PLXNB1: variants seen among roughly 807,000 people sequenced by gnomAD.
The protein encoded by PLXNB1 is plexin-B1.
A neutral mutation model predicts 209.4 loss-of-function variants in PLXNB1; 106 were observed. That is an observed-to-expected ratio of 0.51 (90% CI 0.43 to 0.59). The LOEUF (loss-of-function observed/expected upper bound fraction) is 0.59, where lower values mean the gene tolerates loss of function less well. Among genes scored for constraint, PLXNB1 ranks in the 20% least tolerant of loss-of-function variants. The probability of loss-of-function intolerance (pLI) is 0.00; values close to 1 mark genes in which losing one functional copy is unlikely to be tolerated. For missense variants in PLXNB1, 2,357 were observed against 2,853.2 expected, an observed-to-expected ratio of 0.83 and a Z score of 3.96; for synonymous variants, 1,167 against 1,183.2, an observed-to-expected ratio of 0.99 and a Z score of 0.28.
chr3:48,418,092 A>G lies in PLXNB1; in HGVS notation c.3223-30T>C, dbSNP rs2038218021. 6.2e-7 allele frequency: 1 copy of G among 1,608,422 alleles called. No individual in the cohort carries two copies. Among genetic ancestry groups the G allele is most frequent in the Admixed American group, 1.7e-5 (1 of 59,850 alleles). ...TCCAGGACAAGGACTGCTCACCTCT[A>G]CTCAACTGGAAAGGCAGCCCCAACC... On this transcript the variant is annotated intron_variant, in intron 15 of 37. Coordinates refer to ENST00000296440, the MANE Select transcript of PLXNB1 (RefSeq NM_001130082.3). This position sits in a 1 kb window ranked among gnomAD's most constrained non-coding sequence, Gnocchi z 6.6.
chr3:48,421,516 T>TG, intron 7 of PLXNB1, 132 bp from the exon 8 acceptor site: 1 of 1,233,556 alleles, frequency 8.1e-7, no homozygotes, highest in Non-Finnish European at 1.1e-6. Context: ...CCCTCTGGCC[T>TG]GAGTTAGAAA....
chr3:48,411,845 A>G lies in PLXNB1; in HGVS notation c.5247+18T>C, dbSNP rs765349908. ...TCACCGCACTCAGACTGCAGGCCACACACTTGCACACCCTCACCAGGGGAC... is the reference window on the plus strand; with the variant it reads ...TCACCGCACTCAGACTGCAGGCCACGCACTTGCACACCCTCACCAGGGGAC... On this transcript the variant is annotated intron_variant, in intron 28 of 37. Coordinates refer to ENST00000296440, the MANE Select transcript of PLXNB1 (RefSeq NM_001130082.3). The surrounding 1 kb of genome is among the most constrained non-coding windows in gnomAD (Gnocchi z 4.0). 5.6e-6 allele frequency: 9 copies of G among 1,612,666 alleles called. No homozygotes were observed. In the South Asian group the frequency reaches 8.8e-5, roughly 16 times the overall value.
Position 48,421,789 on chromosome 3 carries a change from T to G in PLXNB1, c.1538A>C (p.Glu513Ala), listed in dbSNP as rs1033978577. 1 of 1,601,340 alleles carries G rather than the reference T, an allele frequency of 6.2e-7. No homozygotes were observed. The highest frequency in any genetic ancestry group is 1.3e-5 in the African/African-American group (1 of 74,776). ...VLLGRCSRRS[E>A]CSRGQGPEQW... ...CTCTGGGCCCTGGCCCCTCGAGCAC[T>G]CAGAACGGCGACTGCACCTGGGCGA... Residue 513 changes from glutamate (E) to alanine (A), a missense_variant, in exon 7 of 38, where the codon GAG (glutamate) becomes GCG (alanine). Glu to Ala is a moderately radical substitution (Grantham distance 107, BLOSUM62 -1). Coordinates refer to ENST00000296440, the MANE Select transcript of PLXNB1 (RefSeq NM_001130082.3).
rs925078844 is a variant in PLXNB1 at position 48,429,589 on chromosome 3, C to G, written c.-60+419G>C. Reference sequence around the variant, plus strand: ...AACCGCCCGGGACCCCGCATTCCAGCCCCGCGGGCTCCGCATCGGCCGAGG... The same window carrying G: ...AACCGCCCGGGACCCCGCATTCCAGGCCCGCGGGCTCCGCATCGGCCGAGG... On this transcript the variant is annotated intron_variant, in intron 1 of 37. Coordinates refer to ENST00000296440, the MANE Select transcript of PLXNB1 (RefSeq NM_001130082.3). The surrounding 1 kb of genome is among the most constrained non-coding windows in gnomAD (Gnocchi z 6.4). 2 of 151,672 alleles carry G rather than the reference C, an allele frequency of 1.3e-5. No individual in the cohort carries two copies. The highest frequency in any genetic ancestry group is 2.4e-5 in the African/African-American group (1 of 41,360). 9.4% of individuals were successfully genotyped at this position (151,672 alleles called of 1,614,324 possible). A position where few individuals can be genotyped will look rare whatever the true frequency, so the allele number is the denominator to read the frequency against.
intron 1 of PLXNB1, among the ~76,000 whole-genome samples, chr3:48,426,510 G>A (rs573522202): frequency 2.6e-5 from 4 of 152,314 alleles, no homozygotes; most frequent in Admixed American, 6.5e-5. Context: ...CTCCCAGGTC[G>A]GCTCATCCTA....
chr3:48,412,697 A>T, intron 25 of PLXNB1, 45 bp downstream of exon 25: 3 of 1,602,652 alleles, frequency 1.9e-6, no homozygotes, highest in Non-Finnish European at 2.6e-6. Flanking sequence ...GCCCTGGAGA[A>T]GGGGCAGGGC....
chr3:48,415,480 G>A lies in PLXNB1; in HGVS notation c.3794+103C>T, dbSNP rs1345368382. 7.1e-7 allele frequency: 1 copy of A among 1,414,236 alleles called. No homozygotes were observed. The highest frequency in any genetic ancestry group is 1.4e-5 in the African/African-American group (1 of 70,228). 87.6% of individuals were successfully genotyped at this position (1,414,236 alleles called of 1,614,324 possible). A position where few individuals can be genotyped will look rare whatever the true frequency, so the allele number is the denominator to read the frequency against. On this transcript the variant is annotated intron_variant, in intron 19 of 37. Transcript: ENST00000296440. The surrounding 1 kb of genome is among the most constrained non-coding windows in gnomAD (Gnocchi z 5.0). ...GACCCCTTGCCCCTACTAGCAGCAT[G>A]GGATTCTCAGTGCCTCAACATAAAG...
Position 48,420,710 on chromosome 3 carries a change from G to A in PLXNB1, c.1983C>T (p.Thr661=), listed in dbSNP as rs775782990. Residue 661 remains threonine (T), a synonymous_variant, in exon 10 of 38, where the codon ACC becomes ACT. Coordinates refer to ENST00000296440, the MANE Select transcript of PLXNB1 (RefSeq NM_001130082.3). ...CNWCVWQHLC[T]HKASCDAGPM... is the part of the protein sequence containing the mutation. ...GCCCAGCATCACACGAGGCCTTGTG[G>A]GTGCACAGGTGCTGCCAGACACACC... is the stretch of plus-strand genomic sequence containing the variant. 5.0e-6 allele frequency: 8 copies of A among 1,614,054 alleles called. No homozygotes were observed. The highest frequency in any genetic ancestry group is 1.7e-5 in the Admixed American group (1 of 60,022).
intron 1 of PLXNB1, among the ~76,000 whole-genome samples, chr3:48,426,251 T>C (rs111562357): frequency 1.2e-4 from 18 of 152,314 alleles, no homozygotes; most frequent in Non-Finnish European, 2.2e-4. Flanking sequence ...GGGTGCCTGC[T>C]TTCCACACAG....
chr3:48,411,186 C>T lies in PLXNB1; in HGVS notation c.5248-150G>A, dbSNP rs978094403. 1.8e-5 allele frequency: 12 copies of T among 675,898 alleles called. No homozygotes were observed. The highest frequency in any genetic ancestry group is 2.9e-5 in the Non-Finnish European group (12 of 408,272). 41.9% of individuals were successfully genotyped at this position (675,898 alleles called of 1,614,324 possible). A position where few individuals can be genotyped will look rare whatever the true frequency, so the allele number is the denominator to read the frequency against. ...AATTCTCGTCTCTTCACCTGCCTGC[C>T]TTCCCCAGGGACAGCAGCTTCCTCC... On this transcript the variant is annotated intron_variant, in intron 28 of 37. Coordinates refer to ENST00000296440, the MANE Select transcript of PLXNB1 (RefSeq NM_001130082.3). The surrounding 1 kb of genome is among the most constrained non-coding windows in gnomAD (Gnocchi z 4.0).
intron 6 of PLXNB1, 55 bp downstream of exon 6, chr3:48,422,050 A>T: frequency 6.7e-7 from 1 of 1,488,846 alleles, no homozygotes; most frequent in Non-Finnish European, 9.4e-7. Flanking sequence ...CAGGACAATT[A>T]TGCAGGAGCA....
Position 48,423,821 on chromosome 3 carries a change from A to G in PLXNB1, c.791T>C (p.Leu264Ser). ...RDQHYYSYVELPLACEGGRYG... is the reference protein window; with the variant it reads ...RDQHYYSYVESPLACEGGRYG... Reference sequence around the variant, plus strand: ...GCGGCCACCTTCGCAGGCCAGAGGCAACTCCACATAGGAGTAGTAGTGCTG... The same window carrying G: ...GCGGCCACCTTCGCAGGCCAGAGGCGACTCCACATAGGAGTAGTAGTGCTG... Residue 264 changes from leucine (L) to serine (S), a missense_variant, in exon 3 of 38, where the codon TTG (leucine) becomes TCG (serine). By Grantham distance (145) the Leu-to-Ser change is moderately radical. This residue lies in a region of PLXNB1 where 404 missense variants were observed against 443.6 expected (regional missense o/e 0.91). Transcript: ENST00000296440. The G allele has an allele frequency of 1.2e-6, 2 of 1,613,996 alleles. No individual in the cohort carries two copies. The highest frequency in any genetic ancestry group is 1.7e-6 in the Non-Finnish European group (2 of 1,180,006).
rs1176911646 is a variant in PLXNB1, at chr3:48,405,829, A to T, written c.6229-31T>A. 2 of 1,590,060 alleles carry T rather than the reference A, an allele frequency of 1.3e-6. No homozygotes were observed. Among genetic ancestry groups the T allele is most frequent in the African/African-American group, 2.7e-5 (2 of 74,438 alleles). On this transcript the variant is annotated intron_variant, in intron 36 of 37. Transcript: ENST00000296440. This position sits in a 1 kb window ranked among gnomAD's most constrained non-coding sequence, Gnocchi z 5.0. The stretch of plus-strand genomic sequence containing the variant: ...GAAGAGGCCAAATGAAAGGTGAGAG[A>T]GACGAGGGGTGCAGAGAGCCACAGG...
chr3:48,419,730 C>T lies in PLXNB1; in HGVS notation c.2556G>A (p.Ala852=), dbSNP rs150371746. Residue 852 remains alanine, a synonymous_variant, in exon 11 of 38, where the codon GCG becomes GCA. Transcript: ENST00000296440. This position sits in a 1 kb window ranked among gnomAD's most constrained non-coding sequence, Gnocchi z 5.7. ...GTGCGTCACCCCCCGTCCACTCGTC[C>T]GCCTCGGGCAGCTCGCCGCCTTCTC... is the stretch of plus-strand genomic sequence containing the variant. ...LTREGGELPE[A]DEWTGGDAPA... is the part of the protein sequence containing the mutation. 7.6e-4 allele frequency: 1,224 copies of T among 1,611,078 alleles called. 4 individuals are homozygous for T. Among genetic ancestry groups the T allele is most frequent in the Middle Eastern group, 2.2e-3 (13 of 6,046 alleles).
At position 48,416,001 on chromosome 3, in the gene PLXNB1, A is replaced by G; in HGVS notation, c.3617+30T>C. 2 of 1,593,390 alleles carry G rather than the reference A, an allele frequency of 1.3e-6. No homozygotes were observed. The highest frequency in any genetic ancestry group is 1.7e-6 in the Non-Finnish European group (2 of 1,168,966). ...TCCATCTTTCCCCTGGAGCAGATGG[A>G]TTTTTGCAGGATGAGGAAGTGGCCC... is the stretch of plus-strand genomic sequence containing the variant. On this transcript the variant is annotated intron_variant, in intron 18 of 37. Coordinates refer to ENST00000296440, the MANE Select transcript of PLXNB1 (RefSeq NM_001130082.3). The surrounding 1 kb of genome is among the most constrained non-coding windows in gnomAD (Gnocchi z 4.1).
At chr3:48,421,907 A>T in intron 6 of PLXNB1, 101 bp from the exon 7 acceptor site, 2 of 1,502,502 alleles carry the variant, frequency 1.3e-6, no homozygotes, top group South Asian at 2.6e-5. Context: ...AGGGCCCTAG[A>T]GTGGGCATGA....
At position 48,419,997 on chromosome 3, in the gene PLXNB1, G is replaced by A. The variant is rs775894969; in HGVS notation, c.2289C>T (p.Ser763=). 1 of 1,598,916 alleles carries A rather than the reference G, an allele frequency of 6.3e-7. No individual in the cohort carries two copies. Among genetic ancestry groups the A allele is most frequent in the Non-Finnish European group, 8.5e-7 (1 of 1,170,610 alleles). The change falls in exon 11 of 38, where the codon AGC becomes AGT. Residue 763 remains serine (S), a synonymous_variant. Transcript: ENST00000296440. This position sits in a 1 kb window ranked among gnomAD's most constrained non-coding sequence, Gnocchi z 5.7. Reference sequence around the variant, plus strand: ...CAGCGGTTCCAGGTCCATTTTGGGGGCTGGGAGGGGAGGGCTCCTCATGGA... The same window carrying A: ...CAGCGGTTCCAGGTCCATTTTGGGGACTGGGAGGGGAGGGCTCCTCATGGA... ...SPLHEEPSPP[S]PQNGPGTAVP...
At chr3:48,422,290 C>T (rs2038581046) in intron 5 of PLXNB1, 41 bp downstream of exon 5, 3 of 1,611,188 alleles carry the variant, frequency 1.9e-6, no homozygotes, top group Non-Finnish European at 1.7e-6. Context: ...ACCCAGAGGC[C>T]CCTCCCAGCA....
rs747068692 is a variant in PLXNB1 at position 48,418,101 on chromosome 3, G to A, written c.3223-39C>T. ...AGGACTGCTCACCTCTACTCAACTGGAAAGGCAGCCCCAACCTCCCACCTT... is the reference window on the plus strand; with the variant it reads ...AGGACTGCTCACCTCTACTCAACTGAAAAGGCAGCCCCAACCTCCCACCTT... On this transcript the variant is annotated intron_variant, in intron 15 of 37. Transcript: ENST00000296440. The surrounding 1 kb of genome is among the most constrained non-coding windows in gnomAD (Gnocchi z 6.6). The A allele has an allele frequency of 6.2e-7, 1 of 1,607,870 alleles. No individual in the cohort carries two copies. The highest frequency in any genetic ancestry group is 2.2e-5 in the East Asian group (1 of 44,768).
Sources: allele counts gnomAD v4.1 joint callset (sites outside exome capture counted in the v4.1 genomes callset), GRCh38; gene constraint gnomAD v4.1.1; regional missense constraint gnomAD v4.1.1; non-coding constraint Gnocchi (gnomAD v3.1); transcripts MANE v1.5; gene names NCBI Gene and HGNC (gene_info 2026-07-23, HGNC 2026-07-21).